The following EVA1A variants were observed in gnomAD, a reference collection of about 807,000 sequenced individuals.
EVA1A encodes protein eva-1 homolog A.
Under a neutral mutation model 9.8 loss-of-function variants are expected in EVA1A, and 7 were observed. The ratio of observed to expected loss-of-function variants is 0.71; its 90% CI spans 0.41 to 1.34. The LOEUF (loss-of-function observed/expected upper bound fraction) is 1.34, where lower values mean the gene tolerates loss of function less well. Ranked by LOEUF, EVA1A falls within the 40% of genes most tolerant of loss-of-function variation. The probability of loss-of-function intolerance (pLI) is 0.01; values close to 1 mark genes in which losing one functional copy is unlikely to be tolerated. For synonymous variants in EVA1A, 90 were observed against 85.6 expected (o/e 1.05, Z -0.28); for missense variants, 206 against 205.9 (o/e 1.00, Z 0.00).
At chr2:75,541,510 G>A (rs557863099) in intron 1 of EVA1A, among the ~76,000 whole-genome samples, 15 of 152,310 alleles carry the variant, frequency 9.8e-5, no homozygotes, top group African/African-American at 3.6e-4. Flanking sequence ...TGGGGTCAGG[G>A]AGACCTGCTG....
intron 1 of EVA1A, among the ~76,000 whole-genome samples, chr2:75,523,780 T>C (rs1479696305): frequency 1.3e-5 from 2 of 152,240 alleles, no homozygotes; most frequent in African/African-American, 4.8e-5. Flanking sequence ...AATAAGTGCA[T>C]AGAGCTAATG....
At chr2:75,526,848 C>A (rs1675461407) in intron 1 of EVA1A, among the ~76,000 whole-genome samples, 1 of 152,190 alleles carries the variant, frequency 6.6e-6, no homozygotes, top group Admixed American at 6.5e-5. Context: ...GTGACATGGT[C>A]AGTTCTGCCT....
At position 75,518,176 on chromosome 2, in the gene EVA1A, C is replaced by A. The variant is rs765218766; in HGVS notation, c.-36G>T. The stretch of plus-strand genomic sequence containing the variant: ...GAGGGGACCTCCTGGAGGTGCTTGG[C>A]TGAATCAACGTGGCCACTCTCCTTC... On this transcript the variant is annotated 5_prime_UTR_variant, in exon 3 of 4. Coordinates refer to ENST00000393913, the MANE Select transcript of EVA1A (RefSeq NM_001135032.2). 2 of 1,605,904 alleles carry A rather than the reference C, an allele frequency of 1.2e-6. No individual in the cohort carries two copies. The highest frequency in any genetic ancestry group is 1.7e-6 in the Non-Finnish European group (2 of 1,177,296).
intron 1 of EVA1A, among the ~76,000 whole-genome samples, chr2:75,544,864 T>C (rs1284980441): frequency 1.3e-5 from 2 of 152,226 alleles, no homozygotes; most frequent in Admixed American, 6.5e-5. Context: ...CTGTAAGGTA[T>C]CTTGTTTAAA....
chr2:75,543,119 C>T (rs1676195586), intron 1 of EVA1A, among the ~76,000 whole-genome samples: 1 of 152,178 alleles, frequency 6.6e-6, no homozygotes, highest in Non-Finnish European at 1.5e-5. Flanking sequence ...AATTTCAGCC[C>T]TGTTGGTCAG....
At chr2:75,510,508 C>A (rs79473065) in intron 3 of EVA1A, among the ~76,000 whole-genome samples, 2 of 152,256 alleles carry the variant, frequency 1.3e-5, no homozygotes, top group East Asian at 3.9e-4. Flanking sequence ...GGGTGAGGCT[C>A]CCTCACTGTT....
At chr2:75,550,996 G>A (rs1676501985) in intron 1 of EVA1A, among the ~76,000 whole-genome samples, 1 of 152,186 alleles carries the variant, frequency 6.6e-6, no homozygotes, top group African/African-American at 2.4e-5. Context: ...AGTAGTGTGT[G>A]TCTGTAATCC....
At chr2:75,498,815 T>TA (rs1674307719) in intron 3 of EVA1A, among the ~76,000 whole-genome samples, 1 of 130,340 alleles carries the variant, frequency 7.7e-6, no homozygotes, top group South Asian at 2.3e-4. Context: ...TTTTTTTTTT[T>TA]TAAAAAGATG....
At chr2:75,510,803 A>G (rs897604477) in intron 3 of EVA1A, among the ~76,000 whole-genome samples, 1 of 152,244 alleles carries the variant, frequency 6.6e-6, no homozygotes, top group South Asian at 2.1e-4. Flanking sequence ...AAAAATGAAC[A>G]AGACATATGG....
intron 1 of EVA1A, among the ~76,000 whole-genome samples, chr2:75,559,176 G>A (rs1020375084): frequency 1.3e-5 from 2 of 152,142 alleles, no homozygotes; most frequent in South Asian, 2.1e-4. Context: ...AGTGGGGGAG[G>A]GGGGAGATGT....
rs1420854350 is a variant in EVA1A, at chr2:75,546,925, A to AC, written c.-192+13754_-192+13755insG. On this transcript the variant is annotated intron_variant, in intron 1 of 3. Transcript: ENST00000393913. ...AATAGGCCAAAAAAAAAAAAAAAAAAAACACCTAAGGCTACCAGAAGCCAT... is the reference window on the plus strand; with the variant it reads ...AATAGGCCAAAAAAAAAAAAAAAAAACAACACCTAAGGCTACCAGAAGCCAT... 3.0e-3 allele frequency among the ~76,000 whole-genome samples: 456 copies of AC among 151,528 alleles called. 3 individuals are homozygous for AC. Among genetic ancestry groups the AC allele is most frequent in the African/African-American group, 0.01 (415 of 41,298 alleles).
At chr2:75,523,192 G>A (rs189404724) in intron 1 of EVA1A, among the ~76,000 whole-genome samples, 3 of 152,314 alleles carry the variant, frequency 2.0e-5, no homozygotes, top group African/African-American at 7.2e-5. Flanking sequence ...TTACTTTATA[G>A]AGACACATCT....
In EVA1A at chr2:75,508,822, C is replaced by T. The variant is rs192361102; in HGVS notation, c.85+9234G>A. Among the ~76,000 whole-genome samples the T allele has an allele frequency of 2.3e-3, 348 of 152,160 alleles. 1 individual carries two copies. The highest frequency in any genetic ancestry group is 7.6e-3 in the African/African-American group (316 of 41,536). ...AAAATTTCTCTCTTTTGTACTCTGT[C>T]CCTTTATTTCTCAAGCTGGCGGACG... On this transcript the variant is annotated intron_variant, in intron 3 of 3. Coordinates refer to ENST00000393913, the MANE Select transcript of EVA1A (RefSeq NM_001135032.2).
chr2:75,568,755 C>G (rs1677072993), intron 1 of EVA1A, among the ~76,000 whole-genome samples: 1 of 152,310 alleles, frequency 6.6e-6, no homozygotes, highest in South Asian at 2.1e-4. Flanking sequence ...ATAATGGCCT[C>G]CAGCTCCATT....
intron 1 of EVA1A, among the ~76,000 whole-genome samples, chr2:75,550,031 CA>C (rs369266766): frequency 5.0e-4 from 76 of 152,242 alleles, no homozygotes; most frequent in Middle Eastern, 3.4e-3. Flanking sequence ...CTGGTCTGAA[CA>C]AAAGAATCTT....
At chr2:75,543,952 T>G (rs1005018626) in intron 1 of EVA1A, among the ~76,000 whole-genome samples, 1 of 152,174 alleles carries the variant, frequency 6.6e-6, no homozygotes, top group African/African-American at 2.4e-5. Context: ...TCTAGAAATG[T>G]TTGATTCAAA....
At chr2:75,551,317 C>T (rs1224011441) in intron 1 of EVA1A, among the ~76,000 whole-genome samples, 3 of 150,924 alleles carry the variant, frequency 2.0e-5, no homozygotes, top group Non-Finnish European at 4.4e-5. Flanking sequence ...TAGCTCCCCT[C>T]ATCTGTTAGA....
intron 1 of EVA1A, among the ~76,000 whole-genome samples, chr2:75,528,173 G>C (rs2103881667): frequency 6.6e-6 from 1 of 152,320 alleles, no homozygotes; most frequent in Middle Eastern, 3.4e-3. Flanking sequence ...AGTGGAATTG[G>C]GGAAGGGCCA....
Position 75,568,306 on chromosome 2 carries a change from AC to A in EVA1A, c.-192+1169del, listed in dbSNP as rs138169119. On this transcript the variant is annotated intron_variant, in intron 1 of 3. Transcript: ENST00000233712. ...TGATAATGAATAATAAATCATTGTT[AC>A]CAATCAATAATTATTATTAAATAAT... Among the ~76,000 whole-genome samples, 451 of 151,360 alleles carry A rather than the reference AC, an allele frequency of 3.0e-3. 4 individuals are homozygous for A. Among genetic ancestry groups the A allele is most frequent in the African/African-American group, 0.01 (426 of 41,368 alleles).
Sources: gnomAD v4.1 joint callset for allele counts (sites outside exome capture counted in the v4.1 genomes callset) on GRCh38, gnomAD v4.1.1 for gene constraint, MANE v1.5 for transcripts, NCBI Gene and HGNC (gene_info 2026-07-23, HGNC 2026-07-21) for gene names.